DLG2: variants seen among roughly 807,000 people sequenced by gnomAD.
DLG2 encodes the protein discs large MAGUK scaffold protein 2, also known as disks large homolog 2.
Under a neutral mutation model 132.5 loss-of-function variants are expected in DLG2, and 45 were observed. The ratio of observed to expected loss-of-function variants is 0.34; its 90% CI spans 0.27 to 0.44. DLG2 has a LOEUF of 0.44. Among genes scored for constraint, DLG2 ranks in the 20% least tolerant of loss-of-function variants. The pLI is 1.00. For missense variants in DLG2, 1,045 were observed against 1,196.9 expected, an observed-to-expected ratio of 0.87 and a Z score of 1.87; for synonymous variants, 424 against 419.6, an observed-to-expected ratio of 1.01 and a Z score of -0.13.
At chr11:83,746,659 T>A (rs1448585552) in intron 18 of DLG2, among the ~76,000 whole-genome samples, 1 of 152,078 alleles carries the variant, frequency 6.6e-6, no homozygotes, top group Non-Finnish European at 1.5e-5. Flanking sequence ...CACACCAAAA[T>A]GGCACATGTA....
intron 11 of DLG2, among the ~76,000 whole-genome samples, chr11:84,046,187 A>G (rs1346760808): frequency 6.6e-6 from 1 of 151,580 alleles, no homozygotes; most frequent in Non-Finnish European, 1.5e-5. Context: ...TTCTATACCC[A>G]ATTTTTAGTC....
chr11:83,661,562 T>A (rs1239600564), intron 18 of DLG2, among the ~76,000 whole-genome samples: 1 of 152,224 alleles, frequency 6.6e-6, no homozygotes, highest in Non-Finnish European at 1.5e-5. Context: ...ATATTAATTT[T>A]TTTTTGGTTA....
chr11:85,207,189 T>C (rs1323152585), intron 4 of DLG2, among the ~76,000 whole-genome samples: 1 of 152,182 alleles, frequency 6.6e-6, no homozygotes, highest in East Asian at 1.9e-4. Flanking sequence ...ACATATATTG[T>C]ACTAATGAGG....
At chr11:83,861,183 C>T (rs10128712) in intron 16 of DLG2, among the ~76,000 whole-genome samples, 38,167 of 152,090 alleles carry the variant, frequency 0.25, 5,016 homozygotes, top group East Asian at 0.31. Context: ...AATGAGATAT[C>T]ATTTCACCCC....
At chr11:83,772,187 C>T (rs191031959) in intron 18 of DLG2, among the ~76,000 whole-genome samples, 1 of 151,958 alleles carries the variant, frequency 6.6e-6, no homozygotes, top group Non-Finnish European at 1.5e-5. Flanking sequence ...GCAGGCAGAT[C>T]GCTTGAGCTC....
intron 3 of DLG2, among the ~76,000 whole-genome samples, chr11:85,465,473 A>C (rs2092758336): frequency 6.6e-6 from 1 of 150,824 alleles, no homozygotes. Context: ...ACCCCACAAC[A>C]GGCCCTGGTG....
intron 9 of DLG2, among the ~76,000 whole-genome samples, chr11:84,113,437 A>C (rs1411659072): frequency 6.6e-6 from 1 of 152,202 alleles, no homozygotes; most frequent in Non-Finnish European, 1.5e-5. Context: ...CGGGTATTTC[A>C]CAAAAACATT....
chr11:85,200,389 T>A (rs763443605), intron 4 of DLG2, among the ~76,000 whole-genome samples: 1 of 152,102 alleles, frequency 6.6e-6, no homozygotes, highest in Non-Finnish European at 1.5e-5. Flanking sequence ...CCTTCTCAGT[T>A]GAAGTCCCAG....
intron 7 of DLG2, among the ~76,000 whole-genome samples, chr11:84,322,813 C>A (rs190415939): frequency 1.3e-5 from 2 of 152,206 alleles, no homozygotes; most frequent in Admixed American, 1.3e-4. Flanking sequence ...TGGTCTCGAA[C>A]TCCTGATCTC....
intron 8 of DLG2, among the ~76,000 whole-genome samples, chr11:84,187,620 T>G (rs189964649): frequency 6.2e-4 from 94 of 152,124 alleles, no homozygotes; most frequent in Admixed American, 1.2e-3. Flanking sequence ...CAAGAAAAAT[T>G]TTATCTCAAT....
intron 8 of DLG2, among the ~76,000 whole-genome samples, chr11:84,248,319 A>T (rs572061891): frequency 4.0e-5 from 6 of 149,798 alleles, no homozygotes; most frequent in Non-Finnish European, 5.9e-5. Flanking sequence ...ATAAGTGTTT[A>T]TTTTTTTTTT....
At chr11:84,828,900 T>G (rs1183829347) in intron 6 of DLG2, among the ~76,000 whole-genome samples, 3 of 151,724 alleles carry the variant, frequency 2.0e-5, no homozygotes, top group Non-Finnish European at 4.4e-5. Context: ...ACAGTCCCTA[T>G]GTACTAATGC....
At chr11:84,714,553 C>CTTTCTCTCTCTT (rs397956960) in intron 6 of DLG2, among the ~76,000 whole-genome samples, 4 of 109,250 alleles carry the variant, frequency 3.7e-5, no homozygotes, top group Non-Finnish European at 5.1e-5. Context: ...TTCTCTTTCT[C>CTTTCTCTCTCTT]TCTCTTTCTC....
intron 6 of DLG2, among the ~76,000 whole-genome samples, chr11:84,650,859 G>GTA (rs1366572342): frequency 7.0e-5 from 6 of 86,060 alleles, no homozygotes; most frequent in African/African-American, 1.2e-4. Context: ...ATGTGTGTGT[G>GTA]TGTGTGTGTG....
intron 7 of DLG2, among the ~76,000 whole-genome samples, chr11:84,477,775 A>G (rs1252664061): frequency 6.6e-6 from 1 of 152,210 alleles, no homozygotes; most frequent in East Asian, 1.9e-4. Flanking sequence ...TGTTAAATAG[A>G]GACATACGAG....
chr11:85,084,280 G>A (rs1412220174), intron 6 of DLG2, among the ~76,000 whole-genome samples: 2 of 152,134 alleles, frequency 1.3e-5, no homozygotes, highest in African/African-American at 4.8e-5. Flanking sequence ...CCTAGCACAC[G>A]AGGTATGGGA....
chr11:85,145,717 A>G (rs2076793541), intron 5 of DLG2, among the ~76,000 whole-genome samples: 1 of 152,016 alleles, frequency 6.6e-6, no homozygotes. Flanking sequence ...TTTCTGGGAT[A>G]AGATTTTGAA....
At chr11:85,100,481 T>C (rs189571712) in intron 6 of DLG2, among the ~76,000 whole-genome samples, 2 of 152,134 alleles carry the variant, frequency 1.3e-5, no homozygotes, top group Non-Finnish European at 2.9e-5. Flanking sequence ...TTTAACAAGG[T>C]CTGCTTGACT....
intron 6 of DLG2, among the ~76,000 whole-genome samples, chr11:84,630,538 A>C (rs1418664748): frequency 6.6e-6 from 1 of 152,196 alleles, no homozygotes; most frequent in African/African-American, 2.4e-5. Context: ...GAACTTAACT[A>C]TAAAAAATTT....
Sources: gnomAD v4.1 joint callset for allele counts (sites outside exome capture counted in the v4.1 genomes callset) on GRCh38, gnomAD v4.1.1 for gene constraint, MANE v1.5 for transcripts, NCBI Gene and HGNC (gene_info 2026-07-23, HGNC 2026-07-21) for gene names.